MYH16: variants seen among roughly 807,000 people sequenced by gnomAD.
The protein encoded by MYH16 is putative uncharacterized protein MYH16.
intron 3 of MYH16, among the ~76,000 whole-genome samples, chr7:99,248,406 T>C (rs1791759445): frequency 6.6e-6 from 1 of 150,778 alleles, no homozygotes; most frequent in Admixed American, 6.6e-5. Flanking sequence ...CCAGTCATGA[T>C]TTTTTTTTTA....
At chr7:99,270,916 T>C (rs1330371601) in intron 18 of MYH16, 1 of 152,504 alleles carries the variant, frequency 6.6e-6, no homozygotes, top group Non-Finnish European at 1.5e-5. Context: ...CTGCCATCGG[T>C]GACAGCCGGG....
Position 99,296,904 on chromosome 7 carries a change from T to C in MYH16, n.4486T>C, listed in dbSNP as rs571330279. ...ATCTAGAGTCCGTGAAGAAGGAGAA[T>C]AAGACCCTGCAGGGTGAGTCTGAGG... On this transcript the variant is annotated non_coding_transcript_exon_variant, in exon 34 of 42. Coordinates refer to ENST00000439784, the Ensembl canonical transcript of MYH16. 59 of 456,468 alleles carry C rather than the reference T, an allele frequency of 1.3e-4. No homozygotes were observed. The Admixed American group carries it at 1.3e-3, about 10-fold the overall frequency. The allele number at this position is 456,468 out of a possible 1,614,324, so 28.3% of individuals were successfully genotyped here.
intron 37 of MYH16, among the ~76,000 whole-genome samples, chr7:99,300,953 G>A (rs1049445311): frequency 6.6e-6 from 1 of 152,072 alleles, no homozygotes. Flanking sequence ...CCAGCACTTT[G>A]GGAGGCCGAG....
intron 21 of MYH16, among the ~76,000 whole-genome samples, chr7:99,278,780 C>G (rs1256628789): frequency 2.0e-5 from 3 of 152,204 alleles, no homozygotes; most frequent in Non-Finnish European, 4.4e-5. Flanking sequence ...CTTCCACTGT[C>G]CCCAAAGGCC....
intron 30 of MYH16, among the ~76,000 whole-genome samples, chr7:99,290,281 T>C (rs1264081937): frequency 6.6e-6 from 1 of 151,788 alleles, no homozygotes; most frequent in Non-Finnish European, 1.5e-5. Context: ...GCCAGGAGTT[T>C]GAGACCAGCC....
intron 1 of MYH16, among the ~76,000 whole-genome samples, chr7:99,240,631 G>A (rs1335747223): frequency 6.6e-6 from 1 of 152,026 alleles, no homozygotes; most frequent in East Asian, 1.9e-4. Flanking sequence ...CAGGCAGATC[G>A]CTTGAGGCTA....
intron 21 of MYH16, 66 bp downstream of exon 3, chr7:99,277,778 G>A: frequency 5.2e-6 from 2 of 383,690 alleles, no homozygotes; most frequent in South Asian, 3.8e-5. Context: ...AGGGAGGAAG[G>A]GCGAGCTCTT....
intron 20 of MYH16, among the ~76,000 whole-genome samples, chr7:99,274,870 T>C (rs1438146635): frequency 6.6e-6 from 1 of 151,956 alleles, no homozygotes; most frequent in Non-Finnish European, 1.5e-5. Flanking sequence ...GACAGGGTTT[T>C]ACCATGCTGG....
At chr7:99,273,302 C>T (rs1024466456) in intron 19 of MYH16, 40 bp from the exon 2 acceptor site, 2 of 456,454 alleles carry the variant, frequency 4.4e-6, no homozygotes, top group East Asian at 1.4e-4. Flanking sequence ...GGTCCTAACA[C>T]CTTCATTGTA....
At chr7:99,249,358 G>A (rs1161829719) in intron 4 of MYH16, among the ~76,000 whole-genome samples, 1 of 151,580 alleles carries the variant, frequency 6.6e-6, no homozygotes, top group African/African-American at 2.4e-5. Flanking sequence ...ACCAGCCTGG[G>A]CAACATAGTG....
downstream of MYH16, chr7:99,311,006 T>G (rs1481640105): frequency 6.6e-6 from 1 of 152,298 alleles, no homozygotes; most frequent in Middle Eastern, 3.4e-3. Flanking sequence ...AGTTCCTACA[T>G]GGTCATGTCA....
Position 99,277,457 on chromosome 7 carries a change from G to A in MYH16, n.2486-82G>A, listed in dbSNP as rs1435715587. ...ACAGTGGTGCTGTGAGGTCACGCCT[G>A]AGGCAGAGACTCCACAGCCCTCCGT... On this transcript the variant is annotated intron_variant and non_coding_transcript_variant, in intron 20 of 41. Coordinates refer to ENST00000439784, the Ensembl canonical transcript of MYH16. 1.0e-5 allele frequency: 4 copies of A among 391,000 alleles called. No homozygotes were observed. In the East Asian group the frequency reaches 2.9e-4, roughly 28 times the overall value. 24.2% of individuals were successfully genotyped at this position (391,000 alleles called of 1,614,324 possible).
intron 30 of MYH16, among the ~76,000 whole-genome samples, chr7:99,289,913 AT>A (rs888917357): frequency 5.6e-4 from 84 of 150,382 alleles, no homozygotes; most frequent in South Asian, 4.6e-3. Flanking sequence ...TTAGTTTAGG[AT>A]TTTTTTTTTC....
At chr7:99,296,445 T>A (rs1792493554) in intron 33 of MYH16, among the ~76,000 whole-genome samples, 1 of 151,912 alleles carries the variant, frequency 6.6e-6, no homozygotes, top group Non-Finnish European at 1.5e-5. Context: ...GAGAGAATTC[T>A]AACCTGGGAA....
At chr7:99,267,874 C>CT (rs1384938999) in intron 18 of MYH16, among the ~76,000 whole-genome samples, 1 of 152,214 alleles carries the variant, frequency 6.6e-6, no homozygotes, top group East Asian at 1.9e-4. Flanking sequence ...GGTTCACAGG[C>CT]TTTGCAGTCA....
exon 1 of MYH16, chr7:99,238,922 A>C (rs1471174119): frequency 6.5e-6 from 1 of 152,848 alleles, no homozygotes; most frequent in African/African-American, 2.4e-5. Context: ...AGCCATGAAC[A>C]AGCCCTATGA....
intron 25 of MYH16, among the ~76,000 whole-genome samples, chr7:99,284,567 C>T (rs888686093): frequency 5.3e-5 from 8 of 152,144 alleles, no homozygotes; most frequent in South Asian, 4.2e-4. Flanking sequence ...GCATTCTGGG[C>T]GACAGAGCAA....
intron 28 of MYH16, among the ~76,000 whole-genome samples, chr7:99,286,794 C>CAA (rs111689587): frequency 8.4e-4 from 126 of 149,170 alleles, no homozygotes; most frequent in African/African-American, 3.1e-3. Context: ...GCCCATCTCT[C>CAA]AAAAAAAAAA....
At chr7:99,260,286 C>T in exon 12 of MYH16, 1 of 1,566,818 alleles carries the variant, frequency 6.4e-7, no homozygotes, top group Non-Finnish European at 8.8e-7. Flanking sequence ...AGTGGGTCTT[C>T]ATCGACTTTG....
Sources: allele counts gnomAD v4.1 joint callset (sites outside exome capture counted in the v4.1 genomes callset), GRCh38; gene constraint gnomAD v4.1.1; transcripts MANE v1.5; gene names NCBI Gene and HGNC (gene_info 2026-07-23, HGNC 2026-07-21).